KYNU: variants seen among roughly 807,000 people sequenced by gnomAD.
KYNU encodes the protein L-kynurenine hydrolase.
Under a neutral mutation model 59.2 loss-of-function variants are expected in KYNU, and 54 were observed. The ratio of observed to expected loss-of-function variants is 0.91; its 90% CI spans 0.73 to 1.14. KYNU has a LOEUF of 1.14. Ranked by LOEUF, KYNU falls within the 50% of genes most tolerant of loss-of-function variation. The pLI is 0.00. For missense variants in KYNU, 567 were observed against 554.4 expected (o/e 1.02, Z -0.23); for synonymous variants, 177 against 192.0 (o/e 0.92, Z 0.65).
intron 11 of KYNU, among the ~76,000 whole-genome samples, chr2:143,030,833 G>A (rs1005506278): frequency 2.6e-5 from 4 of 152,026 alleles, no homozygotes; most frequent in African/African-American, 9.7e-5. Flanking sequence ...CTAATCTATA[G>A]AACATCATAG....
At chr2:142,951,531 G>A (rs944713006) in intron 4 of KYNU, among the ~76,000 whole-genome samples, 1 of 152,144 alleles carries the variant, frequency 6.6e-6, no homozygotes, top group Non-Finnish European at 1.5e-5. Context: ...AAACAATGAA[G>A]TGAAGAGCAA....
chr2:142,908,503 TA>T (rs1553475371), intron 2 of KYNU, among the ~76,000 whole-genome samples: 1 of 151,618 alleles, frequency 6.6e-6, no homozygotes, highest in African/African-American at 2.4e-5. Context: ...GGATTTTTTT[TA>T]AAAAAAATAT....
chr2:143,036,739 A>G (rs1417240744), intron 12 of KYNU, among the ~76,000 whole-genome samples: 1 of 152,106 alleles, frequency 6.6e-6, no homozygotes, highest in Non-Finnish European at 1.5e-5. Flanking sequence ...TACTTTTTAT[A>G]CTCCTAAGCA....
chr2:142,947,126 C>T (rs1683815151), intron 4 of KYNU: 1 of 1,551,000 alleles, frequency 6.4e-7, no homozygotes, highest in African/African-American at 1.4e-5. Context: ...TACAGACCCC[C>T]AACACAATCA....
intron 8 of KYNU, among the ~76,000 whole-genome samples, chr2:142,967,954 A>G (rs1242305375): frequency 1.3e-5 from 2 of 152,204 alleles, no homozygotes; most frequent in African/African-American, 4.8e-5. Flanking sequence ...AGCATAATGT[A>G]TGAAATTTTT....
At chr2:142,975,220 G>T (rs1370672916) in intron 8 of KYNU, among the ~76,000 whole-genome samples, 1 of 152,136 alleles carries the variant, frequency 6.6e-6, no homozygotes. Context: ...GAGGAGCAGA[G>T]TGGCATGGCA....
rs118045254 is a variant in KYNU at position 142,920,110 on chromosome 2, C to G, written c.290+1381C>G. Among the ~76,000 whole-genome samples, 135 of 152,230 alleles carry G rather than the reference C, an allele frequency of 8.9e-4. 1 individual carries two copies. In the East Asian group the frequency reaches 0.023, roughly 25 times the overall value. Reference sequence around the variant, plus strand: ...TTAGCTTACACTGTGCAAATGATTACAACTATGGCTATTAGATAACACTGT... The same window carrying G: ...TTAGCTTACACTGTGCAAATGATTAGAACTATGGCTATTAGATAACACTGT... On this transcript the variant is annotated intron_variant, in intron 3 of 13. Coordinates refer to ENST00000264170, the MANE Select transcript of KYNU (RefSeq NM_003937.3).
intron 2 of KYNU, among the ~76,000 whole-genome samples, chr2:142,896,016 T>A (rs1362605287): frequency 8.5e-5 from 13 of 152,190 alleles, no homozygotes; most frequent in Admixed American, 6.6e-4. Context: ...TTTTTTTCCT[T>A]TGTCTTCTCC....
intron 4 of KYNU, among the ~76,000 whole-genome samples, chr2:142,950,120 G>T (rs551096869): frequency 1.3e-5 from 2 of 152,146 alleles, no homozygotes; most frequent in Non-Finnish European, 2.9e-5. Flanking sequence ...GACTACCTCA[G>T]CCTGGATTTC....
intron 2 of KYNU, among the ~76,000 whole-genome samples, chr2:142,908,415 T>A (rs773625247): frequency 2.6e-5 from 4 of 152,064 alleles, no homozygotes; most frequent in Admixed American, 6.6e-5. Context: ...CTGTTTTTTT[T>A]TTATTATTTG....
At chr2:142,909,735 C>T (rs915975351) in intron 2 of KYNU, among the ~76,000 whole-genome samples, 39 of 152,114 alleles carry the variant, frequency 2.6e-4, no homozygotes, top group African/African-American at 9.4e-4. Flanking sequence ...CATACCTTTG[C>T]TTTTATGAAT....
At position 142,960,710 on chromosome 2, in the gene KYNU, G is replaced by A. The variant is rs1011191827; in HGVS notation, c.669G>A (p.Val223=). The A allele has an allele frequency of 6.2e-7, 1 of 1,613,634 alleles. No homozygotes were observed. ...TTGCAGTGATCCTGTTCAGTGGGGT[G>A]CATTTTTACACTGGACAGCACTTTA... ...DSIAVILFSG[V]HFYTGQHFNI... Residue 223 remains valine, a synonymous_variant, in exon 8 of 14, where the codon GTG becomes GTA. Transcript: ENST00000264170.
At chr2:143,035,892 C>T (rs1170000786) in intron 12 of KYNU, among the ~76,000 whole-genome samples, 2 of 152,202 alleles carry the variant, frequency 1.3e-5, no homozygotes, top group Non-Finnish European at 2.9e-5. Context: ...CCCACCTCAG[C>T]CTCCACAGCA....
intron 4 of KYNU, chr2:142,954,071 T>G (rs1408138074): frequency 2.0e-5 from 3 of 152,122 alleles, no homozygotes; most frequent in Non-Finnish European, 4.4e-5. Flanking sequence ...ATGGAAGGTA[T>G]TATTATTGTT....
At chr2:142,971,937 G>T (rs1054530764) in intron 8 of KYNU, among the ~76,000 whole-genome samples, 2 of 152,116 alleles carry the variant, frequency 1.3e-5, no homozygotes, top group Non-Finnish European at 2.9e-5. Context: ...CGTGCAGACT[G>T]CTCCGTTAAG....
intron 2 of KYNU, among the ~76,000 whole-genome samples, chr2:142,906,383 G>A (rs1046694909): frequency 6.6e-6 from 1 of 152,198 alleles, no homozygotes; most frequent in African/African-American, 2.4e-5. Flanking sequence ...GAAATTAGGG[G>A]AGGAGAGCAT....
At chr2:142,913,566 T>C (rs897929719) in intron 2 of KYNU, among the ~76,000 whole-genome samples, 1 of 151,576 alleles carries the variant, frequency 6.6e-6, no homozygotes, top group South Asian at 2.1e-4. Context: ...GTATGGCTGG[T>C]ATGATTTCAA....
chr2:143,031,356 C>T (rs989661355), intron 11 of KYNU, among the ~76,000 whole-genome samples: 3 of 151,968 alleles, frequency 2.0e-5, no homozygotes, highest in African/African-American at 7.3e-5. Context: ...TACTCAATTC[C>T]GTCATTGTGG....
intron 10 of KYNU, among the ~76,000 whole-genome samples, chr2:143,012,637 C>T (rs1232608552): frequency 6.6e-6 from 1 of 152,084 alleles, no homozygotes; most frequent in Non-Finnish European, 1.5e-5. Flanking sequence ...TACATAGAAG[C>T]AGTAAAAGGT....
Sources: allele counts gnomAD v4.1 joint callset (sites outside exome capture counted in the v4.1 genomes callset), GRCh38; gene constraint gnomAD v4.1.1; transcripts MANE v1.5; gene names NCBI Gene and HGNC (gene_info 2026-07-23, HGNC 2026-07-21).